Variants in TOX observed in about 807,000 individuals in gnomAD.
TOX encodes thymocyte selection associated high mobility group box, also known as thymocyte selection-associated high mobility group box protein TOX.
In TOX, 11 loss-of-function variants were observed where a neutral mutation model predicts 53.7. The ratio of observed to expected loss-of-function variants is 0.20; its 90% confidence interval spans 0.13 to 0.34. TOX has a LOEUF of 0.34. Among genes scored for constraint, TOX ranks in the 10% least tolerant of loss-of-function variants. The pLI is 1.00. For missense variants in TOX, 570 were observed against 664.6 expected (o/e 0.86, Z 1.56); for synonymous variants, 225 against 245.3 (o/e 0.92, Z 0.77).
intron 1 of TOX, among the ~76,000 whole-genome samples, chr8:58,961,804 G>C (rs1294099931): frequency 6.6e-6 from 1 of 152,164 alleles, no homozygotes; most frequent in Non-Finnish European, 1.5e-5. Context: ...ACCATGCCCA[G>C]CTGAACAGGT....
At chr8:58,948,481 C>G (rs1812561583) in intron 2 of TOX, among the ~76,000 whole-genome samples, 1 of 152,068 alleles carries the variant, frequency 6.6e-6, no homozygotes, top group African/African-American at 2.4e-5. Flanking sequence ...AAGGGCCTCT[C>G]CTTTGGCTAA....
chr8:58,872,464 G>A (rs1811214931), intron 3 of TOX, among the ~76,000 whole-genome samples: 1 of 151,840 alleles, frequency 6.6e-6, no homozygotes, highest in African/African-American at 2.4e-5. Flanking sequence ...GGGAAAGGGA[G>A]GGAAAAAAAA....
intron 1 of TOX, among the ~76,000 whole-genome samples, chr8:59,072,657 CT>C (rs1463730869): frequency 6.6e-6 from 1 of 152,168 alleles, no homozygotes; most frequent in Non-Finnish European, 1.5e-5. Context: ...ATGATACTAT[CT>C]TTTCCAGCTG....
intron 4 of TOX, among the ~76,000 whole-genome samples, chr8:58,850,145 T>C (rs951083777): frequency 4.6e-5 from 7 of 151,632 alleles, no homozygotes; most frequent in African/African-American, 1.7e-4. Context: ...GATGGAGGGA[T>C]TGGCTTGGGC....
intron 1 of TOX, among the ~76,000 whole-genome samples, chr8:58,977,023 A>G (rs1813113387): frequency 6.6e-6 from 1 of 152,230 alleles, no homozygotes; most frequent in African/African-American, 2.4e-5. Flanking sequence ...ACCCCTAACA[A>G]TGGAGTCAGC....
At chr8:59,054,974 G>C (rs961528621) in intron 1 of TOX, among the ~76,000 whole-genome samples, 4 of 128,828 alleles carry the variant, frequency 3.1e-5, no homozygotes, top group Non-Finnish European at 6.5e-5. Context: ...GGAAGGAAGG[G>C]ACGGAGGGAG....
intron 1 of TOX, among the ~76,000 whole-genome samples, chr8:59,067,269 A>C (rs2129422342): frequency 6.6e-6 from 1 of 152,254 alleles, no homozygotes; most frequent in African/African-American, 2.4e-5. Context: ...TAAAATAATA[A>C]CTGGCCGGCC....
intron 4 of TOX, among the ~76,000 whole-genome samples, chr8:58,846,436 A>T (rs1391383016): frequency 6.6e-6 from 1 of 152,104 alleles, no homozygotes; most frequent in Non-Finnish European, 1.5e-5. Context: ...TGGTTCTAAC[A>T]CTGTTTGATT....
At chr8:59,010,155 A>C (rs1813875015) in intron 1 of TOX, among the ~76,000 whole-genome samples, 1 of 152,230 alleles carries the variant, frequency 6.6e-6, no homozygotes, top group Non-Finnish European at 1.5e-5. Flanking sequence ...CCAGATGTTA[A>C]ATATTGGGCC....
At chr8:58,985,957 T>C (rs892842496) in intron 1 of TOX, among the ~76,000 whole-genome samples, 8 of 152,192 alleles carry the variant, frequency 5.3e-5, no homozygotes, top group African/African-American at 1.9e-4. Flanking sequence ...GGTCCATCAA[T>C]AGTAATAAAT....
chr8:58,872,918 A>G (rs1811222328), intron 3 of TOX, among the ~76,000 whole-genome samples: 2 of 152,186 alleles, frequency 1.3e-5, no homozygotes, highest in Non-Finnish European at 2.9e-5. Flanking sequence ...CATATATCAT[A>G]CTAATGTAAG....
At chr8:58,855,053 A>C in intron 3 of TOX, among the ~76,000 whole-genome samples, 1 of 152,182 alleles carries the variant, frequency 6.6e-6, no homozygotes, top group African/African-American at 2.4e-5. Context: ...TTTCCTGTTA[A>C]TCACCAATAT....
chr8:59,031,587 G>A (rs1483478041), intron 1 of TOX, among the ~76,000 whole-genome samples: 1 of 152,176 alleles, frequency 6.6e-6, no homozygotes, highest in Non-Finnish European at 1.5e-5. Context: ...AAACTTCCAA[G>A]CACACAGATC....
chr8:59,044,952 G>T (rs564895154), intron 1 of TOX, among the ~76,000 whole-genome samples: 1 of 152,180 alleles, frequency 6.6e-6, no homozygotes, highest in African/African-American at 2.4e-5. Flanking sequence ...AGTATTAGTC[G>T]TGGAATGCCT....
intron 5 of TOX, among the ~76,000 whole-genome samples, chr8:58,830,430 C>A (rs1040947645): frequency 1.3e-5 from 2 of 152,188 alleles, no homozygotes; most frequent in African/African-American, 4.8e-5. Context: ...TAGTGATTCA[C>A]TGAGGCATTT....
At chr8:58,964,462 C>G (rs1340459600) in intron 1 of TOX, among the ~76,000 whole-genome samples, 1 of 152,106 alleles carries the variant, frequency 6.6e-6, no homozygotes, top group East Asian at 1.9e-4. Flanking sequence ...ACTGTCACAG[C>G]TCCGTCCAAC....
intron 3 of TOX, among the ~76,000 whole-genome samples, chr8:58,875,728 G>A (rs1811272050): frequency 6.6e-6 from 1 of 152,130 alleles, no homozygotes; most frequent in Non-Finnish European, 1.5e-5. Flanking sequence ...GGCTCATGTT[G>A]GCAAAAGTTC....
intron 1 of TOX, among the ~76,000 whole-genome samples, chr8:59,058,953 C>CTGA (rs1803931872): frequency 6.6e-6 from 1 of 152,208 alleles, no homozygotes; most frequent in Admixed American, 6.5e-5. Flanking sequence ...CAAGCACACC[C>CTGA]TGATGGCCAA....
intron 3 of TOX, among the ~76,000 whole-genome samples, chr8:58,884,764 AT>A (rs1811439225): frequency 1.3e-5 from 2 of 152,158 alleles, no homozygotes; most frequent in African/African-American, 4.8e-5. Context: ...TTCCATAAAG[AT>A]TCATCATGAC....
Sources: gnomAD v4.1 joint callset for allele counts (sites outside exome capture counted in the v4.1 genomes callset) on GRCh38, gnomAD v4.1.1 for gene constraint, MANE v1.5 for transcripts, NCBI Gene and HGNC (gene_info 2026-07-23, HGNC 2026-07-21) for gene names.